The following CALD1 variants were observed in gnomAD, a reference collection of about 807,000 sequenced individuals.
CALD1 encodes caldesmon 1.
A neutral mutation model predicts 99.9 loss-of-function variants in CALD1; 33 were observed. That is an observed-to-expected ratio of 0.33 (90% CI 0.25 to 0.44). The LOEUF (loss-of-function observed/expected upper bound fraction) is 0.44, where lower values mean the gene tolerates loss of function less well. CALD1 is among the 20% of genes least tolerant of loss of function. The pLI, the probability that CALD1 is intolerant of heterozygous loss-of-function variation, is 1.00. For synonymous variants in CALD1, 310 were observed against 325.0 expected (o/e 0.95, Z 0.50); for missense variants, 861 against 962.1 (o/e 0.89, Z 1.39).
intron 3 of CALD1, among the ~76,000 whole-genome samples, chr7:134,910,221 C>G (rs111458303): frequency 2.2e-4 from 33 of 152,272 alleles, no homozygotes; most frequent in African/African-American, 6.3e-4. Context: ...GGTCAACTAC[C>G]AAGTAGGTTA....
At chr7:134,774,533 TGA>T (rs886211177) in intron 1 of CALD1, among the ~76,000 whole-genome samples, 8 of 152,332 alleles carry the variant, frequency 5.3e-5, no homozygotes, top group African/African-American at 1.2e-4. Context: ...TCCGTCTGGT[TGA>T]GAGAGAGATG....
chr7:134,719,647 C>T, the CALD1 span, among the ~76,000 whole-genome samples: 9 of 152,026 alleles, frequency 5.9e-5, no homozygotes, highest in East Asian at 9.6e-4. Flanking sequence ...TGTAGCTGGG[C>T]CCATCAATGG....
intron 1 of CALD1, among the ~76,000 whole-genome samples, chr7:134,772,750 T>C (rs928729518): frequency 1.3e-5 from 2 of 152,252 alleles, no homozygotes; most frequent in Non-Finnish European, 2.9e-5. Flanking sequence ...TGTGTACTTA[T>C]TGCAAGTGCT....
upstream of CALD1, among the ~76,000 whole-genome samples, chr7:134,741,750 T>A (rs1018661920): frequency 9.9e-5 from 15 of 152,208 alleles, no homozygotes; most frequent in Non-Finnish European, 1.5e-4. Flanking sequence ...AAGCCATTTT[T>A]AAAAACCTGG....
the CALD1 span, among the ~76,000 whole-genome samples, chr7:134,729,102 T>C: frequency 6.6e-6 from 1 of 152,146 alleles, no homozygotes; most frequent in Non-Finnish European, 1.5e-5. Flanking sequence ...CCTGCCCACC[T>C]CAGCCTCCCA....
intron 3 of CALD1, among the ~76,000 whole-genome samples, chr7:134,886,171 T>C (rs1326539992): frequency 6.6e-6 from 1 of 152,206 alleles, no homozygotes; most frequent in African/African-American, 2.4e-5. Context: ...GACTCATACA[T>C]TGCAACATAA....
intron 14 of CALD1, 82 bp from the exon 15 acceptor site, chr7:134,968,258 A>G (rs913737393): frequency 5.1e-6 from 6 of 1,171,342 alleles, no homozygotes; most frequent in Admixed American, 5.1e-5. Flanking sequence ...TCTTCTGACT[A>G]TAAAAACCAT....
chr7:134,758,919 C>T (rs1796753793), intron 1 of CALD1, among the ~76,000 whole-genome samples: 1 of 152,122 alleles, frequency 6.6e-6, no homozygotes. Context: ...CCCCTTTATG[C>T]TGATGGAAAT....
Position 134,947,805 on chromosome 7 carries a change from G to A in CALD1, c.1794+36G>A, listed in dbSNP as rs761036632. ...CGCTAGCCCACTGAGAACGTTGCCC[G>A]GGAAAATTCCCTAGTGCCGTGCGGC... On this transcript the variant is annotated intron_variant, in intron 8 of 14. Transcript: ENST00000361675. The A allele has an allele frequency of 1.5e-5, 24 of 1,593,054 alleles. No individual in the cohort carries two copies. In the Middle Eastern group the frequency reaches 5.4e-4, roughly 36 times the overall value.
At chr7:134,791,591 A>G (rs1797535602) in intron 1 of CALD1, among the ~76,000 whole-genome samples, 1 of 152,234 alleles carries the variant, frequency 6.6e-6, no homozygotes, top group African/African-American at 2.4e-5. Flanking sequence ...AGCCAGTTCC[A>G]TCTTGCCATA....
intron 2 of CALD1, among the ~76,000 whole-genome samples, chr7:134,858,861 C>G (rs543221673): frequency 6.6e-6 from 1 of 152,144 alleles, no homozygotes; most frequent in East Asian, 1.9e-4. Flanking sequence ...AGCCACCACG[C>G]CCAGCCAGGA....
chr7:134,901,097 A>G (rs1802960561), intron 3 of CALD1, among the ~76,000 whole-genome samples: 1 of 152,098 alleles, frequency 6.6e-6, no homozygotes, highest in Admixed American at 6.5e-5. Context: ...TTGGCAAAAT[A>G]TAGAATTACT....
At chr7:134,736,956 A>G in the CALD1 span, among the ~76,000 whole-genome samples, 1 of 152,006 alleles carries the variant, frequency 6.6e-6, no homozygotes, top group Non-Finnish European at 1.5e-5. Flanking sequence ...GTGTTGCTTT[A>G]GCTTGGTCTT....
intron 1 of CALD1, among the ~76,000 whole-genome samples, chr7:134,755,872 TTA>T (rs1796722927): frequency 6.6e-6 from 1 of 152,196 alleles, no homozygotes; most frequent in South Asian, 2.1e-4. Flanking sequence ...TCTGATTCTT[TTA>T]TAGTTTTACT....
the CALD1 span, among the ~76,000 whole-genome samples, chr7:134,711,732 C>G: frequency 1.0e-4 from 15 of 145,260 alleles, no homozygotes; most frequent in African/African-American, 3.9e-4. Context: ...GTGTGTCTCT[C>G]TCTCTGTCTC....
At chr7:134,747,490 T>C (rs13226768) in intron 1 of CALD1, among the ~76,000 whole-genome samples, 96,709 of 152,116 alleles carry the variant, frequency 0.64, 31,214 homozygotes, top group East Asian at 0.89. Flanking sequence ...TTAAATGAAA[T>C]CCAGGACCTA....
chr7:134,795,184 A>T (rs942107185), intron 1 of CALD1, among the ~76,000 whole-genome samples: 1 of 152,098 alleles, frequency 6.6e-6, no homozygotes, highest in African/African-American at 2.4e-5. Context: ...AGGAAAGAAG[A>T]CTGTGTCCCC....
chr7:134,778,551 T>C (rs1183247601), upstream of CALD1, among the ~76,000 whole-genome samples: 1 of 152,240 alleles, frequency 6.6e-6, no homozygotes, highest in Non-Finnish European at 1.5e-5. Flanking sequence ...GGGATTTCAA[T>C]TTTAATTAAG....
intron 9 of CALD1, among the ~76,000 whole-genome samples, chr7:134,956,716 A>T (rs1807798580): frequency 6.6e-6 from 1 of 152,230 alleles, no homozygotes; most frequent in African/African-American, 2.4e-5. Context: ...GCCTAGGGCA[A>T]CTAAAATCCA....
Sources: gnomAD v4.1 joint callset for allele counts (sites outside exome capture counted in the v4.1 genomes callset) on GRCh38, gnomAD v4.1.1 for gene constraint, MANE v1.5 for transcripts, NCBI Gene and HGNC (gene_info 2026-07-23, HGNC 2026-07-21) for gene names.